The following CADPS2 variants were observed in gnomAD, a reference collection of about 807,000 sequenced individuals.
CADPS2 encodes calcium dependent secretion activator 2, also known as calcium-dependent secretion activator 2.
CADPS2 carries 93 observed loss-of-function variants against 172.5 expected under a neutral mutation model. The ratio of observed to expected loss-of-function variants is 0.54; its 90% CI spans 0.46 to 0.64. CADPS2 has a LOEUF of 0.64. Ranked by LOEUF, CADPS2 falls within the 30% of genes least tolerant of loss-of-function variation. CADPS2 has a pLI of 0.00. For synonymous variants in CADPS2, 546 were observed against 555.2 expected (o/e 0.98, Z 0.23); for missense variants, 1,420 against 1,565.9 (o/e 0.91, Z 1.57).
At chr7:122,358,811 A>T (rs185339929) in intron 27 of CADPS2, among the ~76,000 whole-genome samples, 1 of 152,282 alleles carries the variant, frequency 6.6e-6, no homozygotes, top group East Asian at 1.9e-4. Flanking sequence ...GGAATTCATC[A>T]CTTTGTAATC....
At chr7:122,597,362 G>T (rs1211134932) in intron 6 of CADPS2, among the ~76,000 whole-genome samples, 1 of 152,036 alleles carries the variant, frequency 6.6e-6, no homozygotes, top group Non-Finnish European at 1.5e-5. Context: ...ATAAATGCTT[G>T]TTCTTAATTT....
chr7:122,715,852 A>G (rs1221623332), intron 2 of CADPS2, among the ~76,000 whole-genome samples: 1 of 152,096 alleles, frequency 6.6e-6, no homozygotes, highest in Non-Finnish European at 1.5e-5. Context: ...AACAATAATG[A>G]CATGATTTTG....
chr7:122,404,200 T>A (rs879935106), intron 20 of CADPS2, among the ~76,000 whole-genome samples: 4 of 151,646 alleles, frequency 2.6e-5, no homozygotes, highest in African/African-American at 7.3e-5. Context: ...TGTTCATGTG[T>A]TCTCATTGTT....
In CADPS2 at chr7:122,321,173, T is replaced by G. The variant is rs879936220; in HGVS notation, c.3718-835A>C. Among the ~76,000 whole-genome samples, 51 of 152,294 alleles carry G rather than the reference T, an allele frequency of 3.3e-4. 1 individual carries two copies. Among genetic ancestry groups the G allele is most frequent in the Middle Eastern group, 3.4e-3 (1 of 294 alleles). On this transcript the variant is annotated intron_variant, in intron 29 of 29. Coordinates refer to ENST00000449022, the MANE Select transcript of CADPS2 (RefSeq NM_017954.11). ...TACATTGATTGATTGATTGACTGAT[T>G]GATTGACTGATTGAGACAGGTCTCA...
intron 28 of CADPS2, among the ~76,000 whole-genome samples, chr7:122,345,098 T>A (rs1016922883): frequency 6.6e-6 from 1 of 151,954 alleles, no homozygotes; most frequent in African/African-American, 2.4e-5. Context: ...ATGGTCTATA[T>A]CTAGAATGGC....
chr7:122,548,130 G>A (rs2063814163), intron 8 of CADPS2, among the ~76,000 whole-genome samples: 1 of 152,098 alleles, frequency 6.6e-6, no homozygotes, highest in African/African-American at 2.4e-5. Context: ...CACTTTGGGA[G>A]GCTGAGGAAG....
At chr7:122,773,215 G>T (rs2093757875) in intron 1 of CADPS2, among the ~76,000 whole-genome samples, 1 of 151,996 alleles carries the variant, frequency 6.6e-6, no homozygotes, top group South Asian at 2.1e-4. Flanking sequence ...AAAGGACACG[G>T]TGATATGGAA....
intron 1 of CADPS2, among the ~76,000 whole-genome samples, chr7:122,811,561 A>G (rs1800023809): frequency 6.6e-6 from 1 of 152,166 alleles, no homozygotes; most frequent in Non-Finnish European, 1.5e-5. Flanking sequence ...TTTAACTAAG[A>G]TTAAGATAAT....
intron 1 of CADPS2, among the ~76,000 whole-genome samples, chr7:122,851,095 G>T (rs1226133388): frequency 1.3e-5 from 2 of 152,154 alleles, no homozygotes; most frequent in African/African-American, 4.8e-5. Flanking sequence ...AATATCATGT[G>T]CATTCATTTG....
intron 8 of CADPS2, among the ~76,000 whole-genome samples, chr7:122,522,414 C>T (rs780997364): frequency 3.3e-5 from 5 of 151,378 alleles, no homozygotes; most frequent in Admixed American, 6.6e-5. Context: ...TGCATCTGGC[C>T]CCTTTTTATT....
rs564735352 is a variant in CADPS2 at position 122,579,423 on chromosome 7, C to T, written c.1335+1756G>A. Among the ~76,000 whole-genome samples, 114 of 143,018 alleles carry T rather than the reference C, an allele frequency of 8.0e-4. 2 individuals are homozygous for T. Among genetic ancestry groups the T allele is most frequent in the African/African-American group, 2.9e-3 (110 of 37,922 alleles). 93.8% of individuals were successfully genotyped at this position (143,018 alleles called of 152,430 possible). A position where few individuals can be genotyped will look rare whatever the true frequency, so the allele number is the denominator to read the frequency against. On this transcript the variant is annotated intron_variant, in intron 7 of 29. Transcript: ENST00000449022. The stretch of plus-strand genomic sequence containing the variant: ...TATGAAGAGAGTAAGGGAGCATAAG[C>T]GGTTTCTCAGATATAAAATTGCATC...
At chr7:122,397,008 C>T (rs62474598) in intron 20 of CADPS2, among the ~76,000 whole-genome samples, 3,180 of 152,194 alleles carry the variant, frequency 0.021, 117 homozygotes, top group African/African-American at 0.073. Flanking sequence ...CCTGTGTATA[C>T]GCCTCATACT....
chr7:122,428,468 T>C (rs1563313557), intron 17 of CADPS2, among the ~76,000 whole-genome samples: 1 of 130,232 alleles, frequency 7.7e-6, no homozygotes, highest in East Asian at 2.2e-4. Flanking sequence ...TATATATATA[T>C]ATATTTTTTT....
chr7:122,389,394 G>A (rs1013727964), intron 22 of CADPS2, among the ~76,000 whole-genome samples: 5 of 151,894 alleles, frequency 3.3e-5, no homozygotes, highest in Non-Finnish European at 4.4e-5. Context: ...AAAACAATGC[G>A]TTTCAGGTCC....
intron 17 of CADPS2, among the ~76,000 whole-genome samples, chr7:122,417,036 A>T (rs1317749178): frequency 6.6e-6 from 1 of 152,198 alleles, no homozygotes; most frequent in Non-Finnish European, 1.5e-5. Context: ...TTGTGAGGAA[A>T]GAAAATCTAA....
chr7:122,769,360 C>T (rs1267531608), intron 1 of CADPS2, among the ~76,000 whole-genome samples: 1 of 152,126 alleles, frequency 6.6e-6, no homozygotes, highest in East Asian at 1.9e-4. Context: ...CATACATGGA[C>T]CCACAACTTA....
intron 7 of CADPS2, among the ~76,000 whole-genome samples, chr7:122,577,650 T>C (rs2068223632): frequency 6.6e-6 from 1 of 152,204 alleles, no homozygotes; most frequent in African/African-American, 2.4e-5. Flanking sequence ...TGACACAACC[T>C]TCATAAACCC....
intron 3 of CADPS2, among the ~76,000 whole-genome samples, chr7:122,659,519 G>A (rs985852139): frequency 6.6e-6 from 1 of 152,022 alleles, no homozygotes; most frequent in African/African-American, 2.4e-5. Flanking sequence ...AAACATGGGT[G>A]ACATAAACAT....
At chr7:122,340,639 G>C (rs1023440898) in intron 28 of CADPS2, among the ~76,000 whole-genome samples, 1 of 152,134 alleles carries the variant, frequency 6.6e-6, no homozygotes, top group East Asian at 1.9e-4. Flanking sequence ...CAGGATCTCT[G>C]CTGACACATG....
Sources: allele counts gnomAD v4.1 joint callset (sites outside exome capture counted in the v4.1 genomes callset), GRCh38; gene constraint gnomAD v4.1.1; transcripts MANE v1.5; gene names NCBI Gene and HGNC (gene_info 2026-07-23, HGNC 2026-07-21).